The following OPCML variants were observed in gnomAD, a reference collection of about 807,000 sequenced individuals.
OPCML encodes opioid binding protein/cell adhesion molecule like, also known as opioid-binding protein/cell adhesion molecule.
In OPCML, 13 loss-of-function variants were observed where a neutral mutation model predicts 37.8. That is an observed-to-expected ratio of 0.34 (90% CI 0.22 to 0.55). The LOEUF is 0.55. OPCML is among the 20% of genes least tolerant of loss of function. The pLI, the probability that OPCML is intolerant of heterozygous loss-of-function variation, is 0.91. For missense variants in OPCML, 341 were observed against 435.6 expected (o/e 0.78, Z 1.93); for synonymous variants, 176 against 168.8 (o/e 1.04, Z -0.33).
chr11:133,229,844 C>G (rs893722383), intron 1 of OPCML, among the ~76,000 whole-genome samples: 1 of 152,156 alleles, frequency 6.6e-6, no homozygotes, highest in African/African-American at 2.4e-5. Flanking sequence ...CTGTCCAAAG[C>G]CTTTACTGTG....
At chr11:132,484,088 G>T (rs1032784171) in intron 4 of OPCML, among the ~76,000 whole-genome samples, 1 of 152,168 alleles carries the variant, frequency 6.6e-6, no homozygotes. Context: ...AAACTAAAGA[G>T]CTTCTGCACA....
chr11:133,050,148 G>T (rs1417704407), intron 1 of OPCML, among the ~76,000 whole-genome samples: 3 of 152,094 alleles, frequency 2.0e-5, no homozygotes, highest in African/African-American at 7.2e-5. Context: ...TTCCTTCCTG[G>T]CTGCCACTTT....
chr11:133,276,429 G>T (rs558175453), intron 1 of OPCML, among the ~76,000 whole-genome samples: 1 of 152,144 alleles, frequency 6.6e-6, no homozygotes. Context: ...CAGCAGGAAG[G>T]ATAGAGGGTG....
chr11:132,480,544 A>G (rs2096175986), intron 4 of OPCML, among the ~76,000 whole-genome samples: 1 of 152,196 alleles, frequency 6.6e-6, no homozygotes, highest in South Asian at 2.1e-4. Flanking sequence ...CCTTGAGAAG[A>G]GCAACTCCAA....
intron 3 of OPCML, among the ~76,000 whole-genome samples, chr11:132,580,428 C>G (rs1036706826): frequency 2.9e-4 from 44 of 152,116 alleles, no homozygotes; most frequent in Admixed American, 1.4e-3. Context: ...TCATAGCAGT[C>G]AGGACTGGAA....
At chr11:133,098,101 A>G (rs1949030664) in intron 1 of OPCML, among the ~76,000 whole-genome samples, 1 of 152,210 alleles carries the variant, frequency 6.6e-6, no homozygotes, top group African/African-American at 2.4e-5. Flanking sequence ...TCTCATAAAC[A>G]CAGAAGAAAA....
intron 2 of OPCML, among the ~76,000 whole-genome samples, chr11:132,905,576 C>A (rs865919516): frequency 6.6e-6 from 1 of 152,028 alleles, no homozygotes; most frequent in Non-Finnish European, 1.5e-5. Flanking sequence ...CACCACCATG[C>A]TAGGTAGATA....
chr11:133,363,993 C>A (rs1403160700), intron 1 of OPCML, among the ~76,000 whole-genome samples: 1 of 152,148 alleles, frequency 6.6e-6, no homozygotes, highest in African/African-American at 2.4e-5. Flanking sequence ...TGTTTTCATG[C>A]ACAGGTGCCT....
chr11:132,995,244 A>G (rs1946859959), intron 1 of OPCML, among the ~76,000 whole-genome samples: 1 of 152,100 alleles, frequency 6.6e-6, no homozygotes, highest in South Asian at 2.1e-4. Context: ...CAGAGGGAGG[A>G]TATTATATTT....
At chr11:132,661,272 G>T (rs1243801655) in intron 2 of OPCML, among the ~76,000 whole-genome samples, 3 of 152,108 alleles carry the variant, frequency 2.0e-5, no homozygotes, top group Non-Finnish European at 4.4e-5. Context: ...TCTCTAAATG[G>T]GCAAAGATGG....
At chr11:132,877,459 A>G (rs185045205) in intron 2 of OPCML, among the ~76,000 whole-genome samples, 1 of 152,336 alleles carries the variant, frequency 6.6e-6, no homozygotes, top group Non-Finnish European at 1.5e-5. Flanking sequence ...AATTGTGGTC[A>G]CCTGAAGAGT....
intron 2 of OPCML, among the ~76,000 whole-genome samples, chr11:132,825,766 T>C (rs1480953756): frequency 6.6e-6 from 1 of 152,208 alleles, no homozygotes; most frequent in Admixed American, 6.5e-5. Context: ...GTAGAATGTC[T>C]GTTAGTTTAA....
intron 1 of OPCML, among the ~76,000 whole-genome samples, chr11:133,049,296 C>G (rs1273111751): frequency 1.3e-5 from 2 of 152,214 alleles, no homozygotes; most frequent in African/African-American, 4.8e-5. Context: ...TTAGAAGACT[C>G]AGTGGCAACT....
At chr11:133,080,844 G>A (rs922924833) in intron 1 of OPCML, among the ~76,000 whole-genome samples, 9 of 151,912 alleles carry the variant, frequency 5.9e-5, no homozygotes, top group African/African-American at 2.2e-4. Context: ...TACTCACCTA[G>A]GCCTTCTGCA....
intron 1 of OPCML, among the ~76,000 whole-genome samples, chr11:133,323,707 T>C (rs1943386939): frequency 2.0e-5 from 3 of 152,164 alleles, no homozygotes; most frequent in South Asian, 2.1e-4. Flanking sequence ...CAGAGTATTG[T>C]AGGCTTGAGA....
chr11:133,350,266 A>G lies in OPCML; in HGVS notation c.61+181998T>C, dbSNP rs183295982. On this transcript the variant is annotated intron_variant, in intron 1 of 7. Transcript: ENST00000524381. The stretch of plus-strand genomic sequence containing the variant: ...TGGGATCTTCCCACAGTTTCTCTGT[A>G]CCCACACGCTAGAACACTGCCTGGT... Among the ~76,000 whole-genome samples the G allele has an allele frequency of 2.2e-4, 34 of 152,346 alleles. 1 individual carries two copies. In the East Asian group the frequency reaches 3.3e-3, roughly 15 times the overall value.
At chr11:132,523,312 C>T (rs1293603230) in intron 4 of OPCML, among the ~76,000 whole-genome samples, 1 of 152,220 alleles carries the variant, frequency 6.6e-6, no homozygotes, top group African/African-American at 2.4e-5. Flanking sequence ...TAGCTCTTTA[C>T]TTCCATGGAA....
chr11:132,563,310 T>A (rs12365588), intron 3 of OPCML, among the ~76,000 whole-genome samples: 3 of 151,814 alleles, frequency 2.0e-5, no homozygotes, highest in South Asian at 2.1e-4. Context: ...GCTGTGATAC[T>A]TGGAGTATAA....
At position 132,858,843 on chromosome 11, in the gene OPCML, AAACT is replaced by A. The variant is rs558741285; in HGVS notation, c.146+84079_146+84082del. On this transcript the variant is annotated intron_variant, in intron 2 of 7. Coordinates refer to ENST00000524381, the MANE Select transcript of OPCML (RefSeq NM_001012393.5). Reference sequence around the variant, plus strand: ...CAATGGGTCCTTGTGATTATTTCATAAACTAACATAAAGGTAGCCGACTATGAGG... The same window carrying A: ...CAATGGGTCCTTGTGATTATTTCATAAACATAAAGGTAGCCGACTATGAGG... Among the ~76,000 whole-genome samples the A allele has an allele frequency of 4.1e-3, 621 of 152,358 alleles. 2 individuals carry two copies. The highest frequency in any genetic ancestry group is 0.014 in the African/African-American group (577 of 41,590).
Sources: allele counts gnomAD v4.1 joint callset (sites outside exome capture counted in the v4.1 genomes callset), GRCh38; gene constraint gnomAD v4.1.1; transcripts MANE v1.5; gene names NCBI Gene and HGNC (gene_info 2026-07-23, HGNC 2026-07-21).